LGR6: variants seen among roughly 807,000 people sequenced by gnomAD.
The protein encoded by LGR6 is leucine-rich repeat-containing G protein-coupled receptor 6.
A neutral mutation model predicts 69.4 loss-of-function variants in LGR6; 45 were observed. That is an observed-to-expected ratio of 0.65 (90% CI 0.51 to 0.83). The LOEUF (loss-of-function observed/expected upper bound fraction) is 0.83. Ranked by LOEUF, LGR6 falls within the 40% of genes least tolerant of loss-of-function variation. The pLI, the probability that LGR6 is intolerant of heterozygous loss-of-function variation, is 0.00. For synonymous variants in LGR6, 538 were observed against 555.0 expected, an observed-to-expected ratio of 0.97 and a Z score of 0.43; for missense variants, 1,108 against 1,246.7, an observed-to-expected ratio of 0.89 and a Z score of 1.68.
chr1:202,315,145 C>T (rs1654049332), intron 17 of LGR6, among the ~76,000 whole-genome samples: 1 of 152,198 alleles, frequency 6.6e-6, no homozygotes, highest in South Asian at 2.1e-4. Flanking sequence ...CAGGATAAAA[C>T]TACTGTTACA....
intron 4 of LGR6, among the ~76,000 whole-genome samples, chr1:202,243,063 G>A (rs1662344582): frequency 6.6e-6 from 1 of 152,202 alleles, no homozygotes; most frequent in Non-Finnish European, 1.5e-5. Flanking sequence ...CAGAAGTCAG[G>A]CAGTCTGGCC....
chr1:202,251,558 G>C (rs563133565), intron 4 of LGR6, among the ~76,000 whole-genome samples: 1 of 152,260 alleles, frequency 6.6e-6, no homozygotes, highest in African/African-American at 2.4e-5. Flanking sequence ...GGGAAGCCAG[G>C]AGGCTCTATT....
chr1:202,249,072 C>T (rs945395283), intron 4 of LGR6, among the ~76,000 whole-genome samples: 2 of 152,150 alleles, frequency 1.3e-5, no homozygotes, highest in African/African-American at 4.8e-5. Flanking sequence ...AGCAGCAGGG[C>T]CACCAGTACC....
chr1:202,237,584 G>A (rs1319272065), intron 4 of LGR6, among the ~76,000 whole-genome samples: 1 of 152,020 alleles, frequency 6.6e-6, no homozygotes, highest in Non-Finnish European at 1.5e-5. Context: ...TCTTGCTTTC[G>A]GACTAGGCAT....
chr1:202,213,281 T>G (rs1331802065), intron 1 of LGR6, among the ~76,000 whole-genome samples: 1 of 152,136 alleles, frequency 6.6e-6, no homozygotes, highest in Non-Finnish European at 1.5e-5. Context: ...GGGTCCTGGC[T>G]GTTACTTCGT....
intron 1 of LGR6, among the ~76,000 whole-genome samples, chr1:202,214,990 GGTGTGTGTGTGT>G (rs3221675): frequency 2.1e-5 from 3 of 145,524 alleles, no homozygotes; most frequent in East Asian, 2.1e-4. Flanking sequence ...GGTGCACCTG[GGTGTGTGTGTGT>G]GTGTGTGTGT....
In LGR6 at chr1:202,233,399, CCT is replaced by C. The variant is rs539283392; in HGVS notation, c.357-2522_357-2521del. Among the ~76,000 whole-genome samples, 11 of 152,252 alleles carry C rather than the reference CCT, an allele frequency of 7.2e-5. No individual in the cohort carries two copies. The South Asian group carries it at 1.0e-3, about 14-fold the overall frequency. ...AAGAGGCATGAGCAGCCTGCGACCC[CCT>C]GTTTTCTCAGCCATCGTTTCTCTTG... On this transcript the variant is annotated intron_variant, in intron 3 of 17. Coordinates refer to ENST00000367278, the MANE Select transcript of LGR6 (RefSeq NM_001017403.2).
intron 4 of LGR6, among the ~76,000 whole-genome samples, chr1:202,253,892 G>T (rs1372527220): frequency 4.8e-5 from 6 of 125,210 alleles, no homozygotes; most frequent in Admixed American, 9.7e-5. Context: ...TGCAAGCTCC[G>T]CCTCCCGGGT....
At chr1:202,234,877 G>A (rs1661394730) in intron 3 of LGR6, among the ~76,000 whole-genome samples, 1 of 152,178 alleles carries the variant, frequency 6.6e-6, no homozygotes, top group African/African-American at 2.4e-5. Flanking sequence ...GGGTAATTGA[G>A]TCTCCTAGGG....
intron 1 of LGR6, among the ~76,000 whole-genome samples, chr1:202,209,381 A>G (rs960710469): frequency 6.6e-6 from 1 of 151,882 alleles, no homozygotes; most frequent in Non-Finnish European, 1.5e-5. Context: ...CCACACATCC[A>G]CTCAGCCTGC....
At chr1:202,295,854 G>A (rs1667114163) in intron 6 of LGR6, among the ~76,000 whole-genome samples, 1 of 150,930 alleles carries the variant, frequency 6.6e-6, no homozygotes, top group African/African-American at 2.4e-5. Context: ...GGCAGTCTGA[G>A]GGTAATTGGG....
rs557642564 is a variant in LGR6 at position 202,280,191 on chromosome 1, G to A, written c.645-590G>A. ...ATCACTTCGGGTCCCCCTTTGCCTG[G>A]AATGCCCTTCCTTCTGCTTGTTCAG... On this transcript the variant is annotated intron_variant, in intron 5 of 17. Transcript: ENST00000367278. 5.5e-4 allele frequency among the ~76,000 whole-genome samples: 84 copies of A among 152,040 alleles called. 1 individual carries two copies. The highest frequency in any genetic ancestry group is 3.5e-3 in the South Asian group (17 of 4,806).
chr1:202,220,410 G>A (rs1299220407), intron 1 of LGR6, among the ~76,000 whole-genome samples: 1 of 148,110 alleles, frequency 6.8e-6, no homozygotes, highest in Non-Finnish European at 1.5e-5. Context: ...GTAGAGACGC[G>A]ATTTCACCAT....
intron 6 of LGR6, among the ~76,000 whole-genome samples, chr1:202,290,044 T>C (rs1420802306): frequency 6.6e-6 from 1 of 152,254 alleles, no homozygotes; most frequent in Non-Finnish European, 1.5e-5. Context: ...ACTTGCATGC[T>C]GACTTTTGTA....
At chr1:202,249,909 G>T (rs761960547) in intron 4 of LGR6, among the ~76,000 whole-genome samples, 39 of 152,262 alleles carry the variant, frequency 2.6e-4, no homozygotes, top group Non-Finnish European at 4.0e-4. Context: ...CTTAAGACAC[G>T]AATGTGATCA....
At chr1:202,302,093 G>A (rs774079321) in intron 9 of LGR6, among the ~76,000 whole-genome samples, 10 of 152,174 alleles carry the variant, frequency 6.6e-5, no homozygotes, top group Non-Finnish European at 1.5e-4. Flanking sequence ...TTGGGAGACT[G>A]AGGCAGGAGA....
chr1:202,300,556 G>C (rs1318253364), intron 7 of LGR6, among the ~76,000 whole-genome samples: 3 of 151,976 alleles, frequency 2.0e-5, no homozygotes, highest in Admixed American at 6.6e-5. Flanking sequence ...GTAGGAGGCT[G>C]AGGCAGGAGA....
chr1:202,217,400 G>A (rs907684489), intron 1 of LGR6, among the ~76,000 whole-genome samples: 3 of 152,106 alleles, frequency 2.0e-5, no homozygotes, highest in African/African-American at 7.2e-5. Flanking sequence ...ACGATGCAGT[G>A]GACAGTCTCT....
chr1:202,211,936 T>G (rs1430088830), intron 1 of LGR6, among the ~76,000 whole-genome samples: 1 of 152,214 alleles, frequency 6.6e-6, no homozygotes, highest in Non-Finnish European at 1.5e-5. Context: ...GGCATTATTT[T>G]GCATCTGGCT....
Sources: gnomAD v4.1 joint callset for allele counts (sites outside exome capture counted in the v4.1 genomes callset) on GRCh38, gnomAD v4.1.1 for gene constraint, MANE v1.5 for transcripts, NCBI Gene and HGNC (gene_info 2026-07-23, HGNC 2026-07-21) for gene names.